The following TSPAN7 variants were observed in gnomAD, a reference collection of about 807,000 sequenced individuals.
TSPAN7 encodes the protein tetraspanin-7.
Under a neutral mutation model 17.6 loss-of-function variants are expected in TSPAN7, and 1 was observed. The ratio of observed to expected loss-of-function variants is 0.06; its 90% CI spans 0.02 to 0.27. The LOEUF (loss-of-function observed/expected upper bound fraction) is 0.27, where lower values mean the gene tolerates loss of function less well. TSPAN7 is among the 10% of genes least tolerant of loss of function. TSPAN7 has a pLI of 1.00. For missense variants in TSPAN7, 112 were observed against 201.7 expected (o/e 0.56, Z 2.69); for synonymous variants, 78 against 79.0 (o/e 0.99, Z 0.07).
rs1220959022 is a variant in TSPAN7 at position 38,671,438 on chromosome X, G to A, written c.333G>A (p.Val111=). ...TCGTAGCTGGCATTTCAGGGTTTGT[G>A]TTTCGTCATGAGGTGAGTATACACA... ...AELVAGISGF[V]FRHEIKDTFL... is the part of the protein sequence containing the mutation. The change falls in exon 3 of 8, where the codon GTG becomes GTA. Residue 111 remains valine (V), a synonymous_variant. Coordinates refer to ENST00000378482, the MANE Select transcript of TSPAN7 (RefSeq NM_004615.4). 1 of 1,210,951 alleles carries A rather than the reference G, an allele frequency of 8.3e-7. No individual in the cohort carries two copies. The highest frequency in any genetic ancestry group is 1.1e-6 in the Non-Finnish European group (1 of 894,914).
At chrX:38,680,335 T>G (rs1234846134) in intron 5 of TSPAN7, among the ~76,000 whole-genome samples, 1 of 111,130 alleles carries the variant, frequency 9.0e-6, no homozygotes, top group East Asian at 2.8e-4. Flanking sequence ...CAAATGTTAT[T>G]AAAACTTAGT....
intron 1 of TSPAN7, chrX:38,562,924 AC>A: frequency 1.1e-6 from 1 of 888,925 alleles, no homozygotes; most frequent in Non-Finnish European, 1.4e-6. Flanking sequence ...TGCACCCCTC[AC>A]CCCCGCCCCT....
intron 1 of TSPAN7, among the ~76,000 whole-genome samples, chrX:38,662,436 A>C (rs1198396495): frequency 2.7e-5 from 3 of 111,534 alleles, no homozygotes; most frequent in African/African-American, 9.8e-5. Flanking sequence ...CAGGTACAGA[A>C]CATTGACTGT....
chrX:38,684,015 G>GCT (rs1321028085), intron 6 of TSPAN7, among the ~76,000 whole-genome samples: 6 of 112,214 alleles, frequency 5.3e-5, no homozygotes, highest in Non-Finnish European at 1.1e-4. Context: ...AACAGAGCTC[G>GCT]CTCTCTCTCT....
intron 1 of TSPAN7, among the ~76,000 whole-genome samples, chrX:38,564,432 A>G (rs963316424): frequency 1.8e-5 from 2 of 112,183 alleles, no homozygotes; most frequent in Admixed American, 9.4e-5. Flanking sequence ...GCTATCATGG[A>G]TAATGGTGCT....
In TSPAN7 at chrX:38,665,680, G is replaced by C. The variant is rs766358623; in HGVS notation, c.82-441G>C. Among the ~76,000 whole-genome samples, 69 of 112,001 alleles carry C rather than the reference G, an allele frequency of 6.2e-4. 1 individual carries two copies. Among genetic ancestry groups the C allele is most frequent in the Non-Finnish European group, 1.1e-3 (57 of 53,228 alleles). ...AATAATAGTCAAAGGGAATCACTGT[G>C]TTCCTGAAAACATTGTGCAGGATGT... On this transcript the variant is annotated intron_variant, in intron 1 of 7. Coordinates refer to ENST00000378482, the MANE Select transcript of TSPAN7 (RefSeq NM_004615.4).
chrX:38,676,692 A>G (rs2069855951), intron 5 of TSPAN7, among the ~76,000 whole-genome samples: 2 of 112,106 alleles, frequency 1.8e-5, no homozygotes, highest in Non-Finnish European at 1.9e-5. Context: ...TGTTCATATG[A>G]TGCCTTCAAA....
At chrX:38,655,490 G>GT (rs201711330) in intron 1 of TSPAN7, among the ~76,000 whole-genome samples, 7,244 of 107,418 alleles carry the variant, frequency 0.067, 242 homozygotes, top group Middle Eastern at 0.12. Context: ...CAGTTTTTAA[G>GT]TTTTTTTTTT....
intron 1 of TSPAN7, among the ~76,000 whole-genome samples, chrX:38,635,081 C>T (rs2069572575): frequency 9.0e-6 from 1 of 111,154 alleles, no homozygotes; most frequent in African/African-American, 3.3e-5. Context: ...AACTTGAATA[C>T]CTGCTGCCTG....
At chrX:38,628,363 GTT>G (rs1490034335) in intron 1 of TSPAN7, among the ~76,000 whole-genome samples, 1 of 110,005 alleles carries the variant, frequency 9.1e-6, no homozygotes, top group Admixed American at 9.6e-5. Flanking sequence ...TTTTTGTTTT[GTT>G]TTTTGTCTTA....
At chrX:38,645,920 T>G (rs1310592804) in intron 1 of TSPAN7, among the ~76,000 whole-genome samples, 1 of 110,668 alleles carries the variant, frequency 9.0e-6, no homozygotes, top group Non-Finnish European at 1.9e-5. Flanking sequence ...GGTTAGTATA[T>G]TAGAGAAATT....
intron 1 of TSPAN7, among the ~76,000 whole-genome samples, chrX:38,637,572 C>T (rs1312638287): frequency 8.9e-6 from 1 of 112,338 alleles, no homozygotes; most frequent in Non-Finnish European, 1.9e-5. Context: ...CCCAGTGCCT[C>T]TTGAAACCCA....
intron 1 of TSPAN7, chrX:38,566,307 ATGTT>A: frequency 2.1e-6 from 2 of 951,300 alleles, no homozygotes; most frequent in Non-Finnish European, 2.7e-6. Flanking sequence ...CCTGATTTGT[ATGTT>A]TTATTTTCAG....
intron 1 of TSPAN7, among the ~76,000 whole-genome samples, chrX:38,606,735 C>G (rs1422464001): frequency 1.8e-5 from 2 of 111,911 alleles, no homozygotes; most frequent in African/African-American, 6.5e-5. Flanking sequence ...TAAATTGGAG[C>G]TTGAACTTTT....
chrX:38,587,956 G>A (rs750306979), intron 1 of TSPAN7, among the ~76,000 whole-genome samples: 1 of 111,907 alleles, frequency 8.9e-6, no homozygotes, highest in South Asian at 3.7e-4. Context: ...GTAAGTAGTA[G>A]CAGTTGTCTG....
chrX:38,629,726 G>T (rs2069539637), intron 1 of TSPAN7, among the ~76,000 whole-genome samples: 1 of 111,511 alleles, frequency 9.0e-6, no homozygotes, highest in Non-Finnish European at 1.9e-5. Flanking sequence ...AACATTGCAT[G>T]TATATGTAGG....
chrX:38,609,230 A>C (rs1031549887), intron 1 of TSPAN7, among the ~76,000 whole-genome samples: 2 of 111,712 alleles, frequency 1.8e-5, no homozygotes, highest in African/African-American at 6.5e-5. Flanking sequence ...TTTTGAATGA[A>C]AGCATTGGCA....
chrX:38,562,558 G>GGGGAGGA (rs1224802581), intron 1 of TSPAN7, among the ~76,000 whole-genome samples: 1,185 of 102,989 alleles, frequency 0.012, 30 homozygotes, highest in African/African-American at 0.04. Context: ...GCGGGGGAGG[G>GGGGAGGA]GGGAGGAGGA....
chrX:38,652,866 A>C (rs776374164), intron 1 of TSPAN7, among the ~76,000 whole-genome samples: 1 of 112,280 alleles, frequency 8.9e-6, no homozygotes, highest in Non-Finnish European at 1.9e-5. Context: ...GTTTCCTCAC[A>C]GCTCACTCGT....
Sources: gnomAD v4.1 joint callset for allele counts (sites outside exome capture counted in the v4.1 genomes callset) on GRCh38, gnomAD v4.1.1 for gene constraint, MANE v1.5 for transcripts, NCBI Gene and HGNC (gene_info 2026-07-23, HGNC 2026-07-21) for gene names.